Variants in MATCAP2 observed in about 807,000 individuals in gnomAD.
The protein encoded by MATCAP2 is microtubule associated tyrosine carboxypeptidase 2.
chr7:36,326,834 G>A, the MATCAP2 span: 6 of 1,613,798 alleles, frequency 3.7e-6, no homozygotes, highest in South Asian at 3.3e-5. Flanking sequence ...TCCATATATC[G>A]GCCATGGTCC....
chr7:36,354,918 C>G, the MATCAP2 span, among the ~76,000 whole-genome samples: 1 of 152,144 alleles, frequency 6.6e-6, no homozygotes, highest in Non-Finnish European at 1.5e-5. Context: ...TGTGGGGCTG[C>G]TGAGGCTCCC....
chr7:36,349,893 A>G, the MATCAP2 span, among the ~76,000 whole-genome samples: 1 of 152,136 alleles, frequency 6.6e-6, no homozygotes, highest in African/African-American at 2.4e-5. Flanking sequence ...CTGTGAAAAA[A>G]TCTTTCTTGC....
the MATCAP2 span, chr7:36,326,841 G>A: frequency 6.2e-6 from 10 of 1,613,936 alleles, no homozygotes; most frequent in Non-Finnish European, 6.8e-6. Flanking sequence ...ATCGGCCATG[G>A]TCCTGCAGGA....
the MATCAP2 span, among the ~76,000 whole-genome samples, chr7:36,372,567 A>G: frequency 5.9e-5 from 9 of 152,196 alleles, no homozygotes; most frequent in Non-Finnish European, 1.2e-4. Context: ...CCTGGGGAAC[A>G]CTGTGATTTT....
the MATCAP2 span, chr7:36,366,955 C>G: frequency 7.4e-7 from 1 of 1,355,286 alleles, no homozygotes; most frequent in Non-Finnish European, 9.4e-7. Context: ...GCCCCGAGGC[C>G]CGGGGCGGCG....
the MATCAP2 span, among the ~76,000 whole-genome samples, chr7:36,364,575 G>T: frequency 1.3e-5 from 2 of 152,020 alleles, no homozygotes; most frequent in Non-Finnish European, 2.9e-5. Context: ...TTCTATATTT[G>T]TAACGACTTT....
the MATCAP2 span, chr7:36,390,227 A>AT: frequency 3.8e-4 from 354 of 939,316 alleles, 2 homozygotes; most frequent in East Asian, 7.9e-3. Flanking sequence ...TTCCTCTGAG[A>AT]TTTTGTTGTT....
the MATCAP2 span, among the ~76,000 whole-genome samples, chr7:36,379,483 T>C: frequency 7.9e-5 from 12 of 152,340 alleles, no homozygotes; most frequent in East Asian, 2.3e-3. Flanking sequence ...TATGTGTATA[T>C]ATACATAAAG....
the MATCAP2 span, among the ~76,000 whole-genome samples, chr7:36,362,096 G>A: frequency 7.9e-5 from 12 of 152,106 alleles, no homozygotes; most frequent in Non-Finnish European, 1.8e-4. Context: ...AAAGTCATTG[G>A]GCTGCACATT....
At chr7:36,383,605 T>C in the MATCAP2 span, among the ~76,000 whole-genome samples, 1 of 151,602 alleles carries the variant, frequency 6.6e-6, no homozygotes, top group East Asian at 1.9e-4. Flanking sequence ...TAAGTGGGAG[T>C]TGAACAATGA....
the MATCAP2 span, among the ~76,000 whole-genome samples, chr7:36,382,639 C>G: frequency 6.6e-6 from 1 of 152,076 alleles, no homozygotes; most frequent in East Asian, 1.9e-4. Context: ...ACTACAGGTG[C>G]CTGCCACCAG....
At chr7:36,377,245 C>T in the MATCAP2 span, among the ~76,000 whole-genome samples, 7 of 152,140 alleles carry the variant, frequency 4.6e-5, no homozygotes, top group Non-Finnish European at 8.8e-5. Flanking sequence ...GTACTGGTTG[C>T]TCCTTTCCAC....
chr7:36,373,146 A>G, the MATCAP2 span, among the ~76,000 whole-genome samples: 2 of 151,720 alleles, frequency 1.3e-5, no homozygotes, highest in African/African-American at 2.4e-5. Context: ...AATGATGTAC[A>G]TGCATCAATC....
the MATCAP2 span, chr7:36,366,685 T>C: frequency 6.5e-7 from 1 of 1,533,790 alleles, no homozygotes; most frequent in East Asian, 2.5e-5. Flanking sequence ...TTCCACGAGA[T>C]TCCACAGCAG....
the MATCAP2 span, chr7:36,335,102 A>T: frequency 6.2e-7 from 1 of 1,614,038 alleles, no homozygotes; most frequent in Non-Finnish European, 8.5e-7. Flanking sequence ...GGACACATTG[A>T]TAGTCAGAGT....
chr7:36,350,364 G>C, the MATCAP2 span, among the ~76,000 whole-genome samples: 1 of 152,042 alleles, frequency 6.6e-6, no homozygotes, highest in African/African-American at 2.4e-5. Flanking sequence ...AAAATCAAAA[G>C]ACTGTTTTCA....
At chr7:36,383,037 A>C in the MATCAP2 span, among the ~76,000 whole-genome samples, 15 of 152,168 alleles carry the variant, frequency 9.9e-5, no homozygotes, top group African/African-American at 3.4e-4. Flanking sequence ...TGGTTTTTGG[A>C]AACAATATAA....
At chr7:36,356,042 C>A in the MATCAP2 span, 2 of 152,134 alleles carry the variant, frequency 1.3e-5, no homozygotes, top group Admixed American at 1.3e-4. Context: ...TTATTTTTAT[C>A]TTTGAATAAG....
At chr7:36,334,963 A>C in the MATCAP2 span, 3 of 1,337,350 alleles carry the variant, frequency 2.2e-6, no homozygotes, top group Non-Finnish European at 3.1e-6. Context: ...AATACTACTA[A>C]GAAAAAACCC....
Sources: allele counts gnomAD v4.1 joint callset (sites outside exome capture counted in the v4.1 genomes callset), GRCh38; gene constraint gnomAD v4.1.1; transcripts MANE v1.5; gene names NCBI Gene and HGNC (gene_info 2026-07-23, HGNC 2026-07-21).